Variants in COPG2 observed in about 807,000 individuals in gnomAD.
COPG2 encodes the protein coatomer subunit gamma-2.
In COPG2, 37 loss-of-function variants were observed where a neutral mutation model predicts 46.3. The ratio of observed to expected loss-of-function variants is 0.80; its 90% CI spans 0.61 to 1.05. The LOEUF is 1.05. Ranked by LOEUF, COPG2 falls within the 50% of genes least tolerant of loss-of-function variation. The pLI is 0.00. For synonymous variants in COPG2, 159 were observed against 129.7 expected (o/e 1.23, Z -1.53); for missense variants, 427 against 387.8 (o/e 1.10, Z -0.85).
At chr7:130,575,476 T>TA (rs1793985416) in intron 9 of COPG2, among the ~76,000 whole-genome samples, 1 of 152,086 alleles carries the variant, frequency 6.6e-6, no homozygotes. Flanking sequence ...AAAGGAAAGA[T>TA]ACAGTCTTTT....
chr7:130,658,934 C>T lies in COPG2; in HGVS notation c.243+4033G>A, dbSNP rs993798015. On this transcript the variant is annotated intron_variant, in intron 4 of 23. Coordinates refer to ENST00000425248, the MANE Select transcript of COPG2 (RefSeq NM_012133.6). Reference sequence around the variant, plus strand: ...TGACCTCATGATCTGCCCACCTCAGCCTCCTAAAGTGCTGAGATTACAGGC... The same window carrying T: ...TGACCTCATGATCTGCCCACCTCAGTCTCCTAAAGTGCTGAGATTACAGGC... Among the ~76,000 whole-genome samples the T allele has an allele frequency of 3.3e-5, 5 of 152,100 alleles. No homozygotes were observed. In the South Asian group the frequency reaches 1.0e-3, roughly 32 times the overall value.
At chr7:130,600,417 C>G (rs1297284070) in intron 9 of COPG2, among the ~76,000 whole-genome samples, 2 of 152,094 alleles carry the variant, frequency 1.3e-5, no homozygotes, top group East Asian at 3.9e-4. Context: ...CGTGCCACCA[C>G]GCCTGGCTAA....
intron 20 of COPG2, among the ~76,000 whole-genome samples, chr7:130,511,186 T>A (rs1220230510): frequency 6.6e-6 from 1 of 152,054 alleles, no homozygotes; most frequent in African/African-American, 2.4e-5. Flanking sequence ...AGCTGCCAGG[T>A]CTCAACCACC....
At chr7:130,617,182 A>G (rs1554453042) in intron 5 of COPG2, 117 bp from the exon 6 acceptor site, 1 of 558,268 alleles carries the variant, frequency 1.8e-6, no homozygotes, top group Non-Finnish European at 3.2e-6. Context: ...AATTCAACAA[A>G]TATTTATGGA....
At chr7:130,536,214 G>C (rs1405174608) in intron 20 of COPG2, among the ~76,000 whole-genome samples, 1 of 152,130 alleles carries the variant, frequency 6.6e-6, no homozygotes, top group Non-Finnish European at 1.5e-5. Context: ...GTGGTTCCAA[G>C]TGGAGAGTGC....
At chr7:130,653,187 C>T (rs1795782494) in intron 4 of COPG2, among the ~76,000 whole-genome samples, 1 of 152,156 alleles carries the variant, frequency 6.6e-6, no homozygotes, top group African/African-American at 2.4e-5. Context: ...TTATATGGAT[C>T]TTTCTACTGA....
chr7:130,617,926 C>T (rs1234864302), intron 5 of COPG2, among the ~76,000 whole-genome samples: 2 of 151,684 alleles, frequency 1.3e-5, no homozygotes, highest in African/African-American at 2.4e-5. Flanking sequence ...CATGACTAAA[C>T]CCCATCTCTA....
Position 130,573,628 on chromosome 7 carries a change from AT to A in COPG2, c.738-9236del, listed in dbSNP as rs1793949887. ...GATGAATAAAAATCCATTGACAAAA[AT>A]CTAACACACATTAATAATATAAAGA... On this transcript the variant is annotated intron_variant, in intron 9 of 23. Transcript: ENST00000425248. Among the ~76,000 whole-genome samples, 3 of 152,176 alleles carry A rather than the reference AT, an allele frequency of 2.0e-5. No individual in the cohort carries two copies. In the South Asian group the frequency reaches 6.2e-4, roughly 31 times the overall value.
intron 20 of COPG2, among the ~76,000 whole-genome samples, chr7:130,542,719 G>T: frequency 6.6e-6 from 1 of 152,150 alleles, no homozygotes; most frequent in Non-Finnish European, 1.5e-5. Flanking sequence ...GCCATTCTAA[G>T]GCAGTTATTG....
At chr7:130,613,695 C>CT (rs1246179729) in intron 6 of COPG2, 59 bp from the exon 7 acceptor site, 2 of 1,075,904 alleles carry the variant, frequency 1.9e-6, no homozygotes, top group African/African-American at 1.6e-5. Context: ...CAAAATTACT[C>CT]TTATGCTTCA....
At chr7:130,653,316 C>T (rs1361441026) in intron 4 of COPG2, among the ~76,000 whole-genome samples, 2 of 152,156 alleles carry the variant, frequency 1.3e-5, no homozygotes, top group Non-Finnish European at 2.9e-5. Context: ...TGCAATGGCG[C>T]AATCGTGGCT....
intron 5 of COPG2, among the ~76,000 whole-genome samples, chr7:130,628,312 A>G (rs1554454607): frequency 1.3e-5 from 2 of 151,946 alleles, no homozygotes; most frequent in Non-Finnish European, 2.9e-5. Context: ...CTTTGGTACC[A>G]ACTATTTTTA....
chr7:130,634,648 A>G (rs1795298573), intron 5 of COPG2, among the ~76,000 whole-genome samples: 1 of 152,178 alleles, frequency 6.6e-6, no homozygotes, highest in Non-Finnish European at 1.5e-5. Context: ...ATATACAATC[A>G]TGTCATCTGC....
At chr7:130,668,475 G>T (rs1350823309) in intron 1 of COPG2, among the ~76,000 whole-genome samples, 157 bp downstream of exon 1, 5 of 149,978 alleles carry the variant, frequency 3.3e-5, no homozygotes, top group Non-Finnish European at 7.4e-5. Flanking sequence ...GCAGGCCCCG[G>T]GCAGCCGCGA....
At chr7:130,605,419 G>A (rs1265964232) in intron 9 of COPG2, among the ~76,000 whole-genome samples, 1 of 152,210 alleles carries the variant, frequency 6.6e-6, no homozygotes, top group African/African-American at 2.4e-5. Context: ...ACCCAGGTAG[G>A]TGCAATCTAA....
At chr7:130,543,159 G>C (rs1793370824) in intron 20 of COPG2, among the ~76,000 whole-genome samples, 1 of 152,206 alleles carries the variant, frequency 6.6e-6, no homozygotes, top group Non-Finnish European at 1.5e-5. Context: ...TGTAAAATTT[G>C]CAAGTGTGGG....
chr7:130,579,528 G>C (rs1219162155), intron 9 of COPG2, among the ~76,000 whole-genome samples: 2 of 151,764 alleles, frequency 1.3e-5, no homozygotes, highest in Non-Finnish European at 2.9e-5. Flanking sequence ...TGGACTAAAT[G>C]CTCCAATTAA....
At chr7:130,550,687 T>C (rs2116386353) in intron 16 of COPG2, 38 bp from the exon 17 acceptor site, 1 of 394,644 alleles carries the variant, frequency 2.5e-6, no homozygotes, top group East Asian at 3.6e-5. Flanking sequence ...TATAACCTCT[T>C]GCCAATCCTC....
chr7:130,513,355 GTGTGTATATATATATATATA>G (rs1406708910), intron 20 of COPG2, among the ~76,000 whole-genome samples: 26 of 42,548 alleles, frequency 6.1e-4, no homozygotes, highest in Admixed American at 1.6e-3. Context: ...GTGTGTGTGT[GTGTGTATATATATATATATA>G]TGTGTGTGTG....
Sources: allele counts gnomAD v4.1 joint callset (sites outside exome capture counted in the v4.1 genomes callset), GRCh38; gene constraint gnomAD v4.1.1; transcripts MANE v1.5; gene names NCBI Gene and HGNC (gene_info 2026-07-23, HGNC 2026-07-21).